The following TMEM260 variants were observed in gnomAD, a reference collection of about 807,000 sequenced individuals.
TMEM260 encodes protein O-mannosyl-transferase TMEM260.
In TMEM260, 82 loss-of-function variants were observed where a neutral mutation model predicts 88.9. The ratio of observed to expected loss-of-function variants is 0.92; its 90% CI spans 0.77 to 1.11. The LOEUF (loss-of-function observed/expected upper bound fraction) is 1.11, where lower values mean the gene tolerates loss of function less well. Among genes scored for constraint, TMEM260 ranks in the 50% least tolerant of loss-of-function variants. The pLI, the probability that TMEM260 is intolerant of heterozygous loss-of-function variation, is 0.00. For synonymous variants in TMEM260, 314 were observed against 309.3 expected (o/e 1.02, Z -0.16); for missense variants, 902 against 853.4 (o/e 1.06, Z -0.71).
chr14:56,618,830 A>C, intron 10 of TMEM260, 67 bp downstream of exon 10: 1 of 1,453,104 alleles, frequency 6.9e-7, no homozygotes, highest in East Asian at 2.3e-5. Flanking sequence ...TTAGATTCTA[A>C]CACTTTATTT....
intron 15 of TMEM260, among the ~76,000 whole-genome samples, chr14:56,640,901 T>C (rs751944154): frequency 1.3e-5 from 2 of 152,104 alleles, no homozygotes; most frequent in African/African-American, 2.4e-5. Flanking sequence ...GTATCAGCGA[T>C]GGACAATGAA....
At chr14:56,592,063 T>C (rs1885899175) in intron 3 of TMEM260, among the ~76,000 whole-genome samples, 1 of 152,226 alleles carries the variant, frequency 6.6e-6, no homozygotes, top group Non-Finnish European at 1.5e-5. Flanking sequence ...GGAATAATAC[T>C]TTATACTTTC....
chr14:56,644,918 G>C (rs967248668), intron 15 of TMEM260, among the ~76,000 whole-genome samples: 2 of 152,194 alleles, frequency 1.3e-5, no homozygotes, highest in African/African-American at 4.8e-5. Flanking sequence ...GGCCATCAGA[G>C]AAATGCAAAT....
chr14:56,589,933 A>G (rs1047719270), intron 3 of TMEM260, among the ~76,000 whole-genome samples: 1 of 152,136 alleles, frequency 6.6e-6, no homozygotes, highest in Admixed American at 6.6e-5. Flanking sequence ...GGACATTTGG[A>G]TTTTCCAGCT....
At chr14:56,659,701 C>T in the TMEM260 span, among the ~76,000 whole-genome samples, 4 of 152,226 alleles carry the variant, frequency 2.6e-5, no homozygotes, top group Admixed American at 2.6e-4. Context: ...CAGGCAGCCA[C>T]TACGGAGAAG....
chr14:56,652,493 A>G (rs1483027421), downstream of TMEM260, among the ~76,000 whole-genome samples: 2 of 137,320 alleles, frequency 1.5e-5, no homozygotes, highest in African/African-American at 3.3e-5. Context: ...GTGTCTCAAA[A>G]AAAAAAAAAA....
chr14:56,587,504 T>C (rs886363732), intron 3 of TMEM260, among the ~76,000 whole-genome samples: 6 of 151,984 alleles, frequency 3.9e-5, no homozygotes, highest in East Asian at 1.9e-4. Flanking sequence ...TATGATTAAT[T>C]ATAATGGTTT....
intron 1 of TMEM260, among the ~76,000 whole-genome samples, chr14:56,582,398 G>T (rs375358792): frequency 6.6e-6 from 1 of 152,124 alleles, no homozygotes; most frequent in Non-Finnish European, 1.5e-5. Flanking sequence ...TAGTTTGTAC[G>T]TGAGTTTATT....
chr14:56,638,449 C>T (rs947719523), intron 15 of TMEM260: 2 of 152,188 alleles, frequency 1.3e-5, no homozygotes, highest in African/African-American at 4.8e-5. Flanking sequence ...CTGAGACTTA[C>T]TTACTGATAC....
Position 56,605,589 on chromosome 14 carries a change from T to G in TMEM260, c.542T>G (p.Phe181Cys), listed in dbSNP as rs758113994. ...ERSKVAKIGA[F>C]CCGLSLCNQH... ...TTTCAGGTAGCTAAAATTGGTGCTT[T>G]CTGCTGTGGCCTTAGTTTATGTAAC... is the stretch of plus-strand genomic sequence containing the variant. The change falls in exon 5 of 16, where the codon TTC (phenylalanine) becomes TGC (cysteine). Residue 181 changes from phenylalanine to cysteine, a missense_variant. Coordinates refer to ENST00000261556, the MANE Select transcript of TMEM260 (RefSeq NM_017799.4). 8 of 1,556,046 alleles carry G rather than the reference T, an allele frequency of 5.1e-6. No individual in the cohort carries two copies. The highest frequency in any genetic ancestry group is 6.9e-6 in the Non-Finnish European group (8 of 1,154,150).
intron 3 of TMEM260, among the ~76,000 whole-genome samples, chr14:56,597,674 G>A (rs1313235235): frequency 6.6e-6 from 1 of 152,112 alleles, no homozygotes; most frequent in Non-Finnish European, 1.5e-5. Context: ...TAGGACTGGG[G>A]GCAGATGGCT....
intron 3 of TMEM260, among the ~76,000 whole-genome samples, chr14:56,588,667 T>G (rs1237092707): frequency 6.6e-6 from 1 of 150,724 alleles, no homozygotes; most frequent in Non-Finnish European, 1.5e-5. Context: ...CACTGTAGTT[T>G]ATTGAATTAA....
At chr14:56,614,237 A>AG (rs11483076) in intron 7 of TMEM260, among the ~76,000 whole-genome samples, 1 of 137,150 alleles carries the variant, frequency 7.3e-6, no homozygotes, top group Non-Finnish European at 1.6e-5. Context: ...AAAAAAAAAA[A>AG]GGCATGGTGG....
chr14:56,580,911 A>G (rs1271115917), intron 1 of TMEM260, among the ~76,000 whole-genome samples: 1 of 152,174 alleles, frequency 6.6e-6, no homozygotes, highest in African/African-American at 2.4e-5. Flanking sequence ...ATGACTAGTG[A>G]TCCCCAAATT....
At chr14:56,604,964 T>G (rs993372370) in intron 4 of TMEM260, among the ~76,000 whole-genome samples, 3 of 152,206 alleles carry the variant, frequency 2.0e-5, no homozygotes, top group Non-Finnish European at 4.4e-5. Flanking sequence ...AAGAACTTGA[T>G]CAGATATTGA....
intron 7 of TMEM260, 115 bp from the exon 8 acceptor site, chr14:56,615,829 A>C (rs762998986): frequency 7.5e-6 from 5 of 669,096 alleles, no homozygotes; most frequent in Non-Finnish European, 1.3e-5. Flanking sequence ...TTAAAATCTG[A>C]CCCCAGCCCT....
intron 4 of TMEM260, among the ~76,000 whole-genome samples, chr14:56,605,077 G>A (rs1886811743): frequency 6.6e-6 from 1 of 152,194 alleles, no homozygotes; most frequent in African/African-American, 2.4e-5. Context: ...ATTGGGAAGA[G>A]TTCAGAGGAG....
intron 15 of TMEM260, among the ~76,000 whole-genome samples, chr14:56,642,154 G>A (rs61995029): frequency 0.044 from 6,752 of 152,180 alleles, 167 homozygotes; most frequent in Middle Eastern, 0.061. Context: ...TGCACGAAGC[G>A]GACCTAATAG....
chr14:56,621,700 GAAGT>G lies in TMEM260; in HGVS notation c.1398+4_1398+7del. 6.2e-7 allele frequency: 1 copy of G among 1,601,942 alleles called. No individual in the cohort carries two copies. Among genetic ancestry groups the G allele is most frequent in the Non-Finnish European group, 8.5e-7 (1 of 1,176,302 alleles). On this transcript the variant is annotated splice_donor_variant and coding_sequence_variant, in exon 11 of 16. Coordinates refer to ENST00000261556, the MANE Select transcript of TMEM260 (RefSeq NM_017799.4). LOFTEE classifies it high-confidence loss of function. ...GCCTGACATTTCATTAGTGGATCAG[GAAGT>G]AAGTATATGAAAAATATACTTAGAA...
Sources: gnomAD v4.1 joint callset for allele counts (sites outside exome capture counted in the v4.1 genomes callset) on GRCh38, gnomAD v4.1.1 for gene constraint, MANE v1.5 for transcripts, NCBI Gene and HGNC (gene_info 2026-07-23, HGNC 2026-07-21) for gene names.